The following RSPH4A variants were observed in gnomAD, a reference collection of about 807,000 sequenced individuals.
RSPH4A encodes the protein radial spoke head protein 4 homolog A.
RSPH4A carries 47 observed loss-of-function variants against 71.0 expected under a neutral mutation model. The observed-to-expected ratio is 0.66, with a 90% CI of 0.52 to 0.84. The LOEUF (loss-of-function observed/expected upper bound fraction) is 0.84, where lower values mean the gene tolerates loss of function less well. Among genes scored for constraint, RSPH4A ranks in the 40% least tolerant of loss-of-function variants. The probability of loss-of-function intolerance (pLI) is 0.00; values close to 1 mark genes in which losing one functional copy is unlikely to be tolerated. For synonymous variants in RSPH4A, 282 were observed against 302.3 expected (o/e 0.93, Z 0.70); for missense variants, 793 against 855.2 (o/e 0.93, Z 0.91).
intron 5 of RSPH4A, 82 bp downstream of exon 5, chr6:116,630,634 T>C: frequency 2.8e-6 from 2 of 714,224 alleles, no homozygotes; most frequent in South Asian, 2.9e-5. Flanking sequence ...AATGTTAAGC[T>C]ACTATCGTTG....
chr6:116,627,349 A>G (rs752140561), intron 2 of RSPH4A, among the ~76,000 whole-genome samples: 5 of 152,058 alleles, frequency 3.3e-5, no homozygotes, highest in Non-Finnish European at 7.4e-5. Context: ...ACAGGCACGC[A>G]CCACCATGTC....
In RSPH4A at chr6:116,630,458, A is replaced by T; in HGVS notation, c.1822A>T (p.Thr608Ser). 6.2e-7 allele frequency: 1 copy of T among 1,605,708 alleles called. No individual in the cohort carries two copies. Among genetic ancestry groups the T allele is most frequent in the Non-Finnish European group, 8.5e-7 (1 of 1,172,474 alleles). ...AGAGATTCAGAATATACCCCCCTGG[A>T]CAACACGGTTATCCTCAAATCTCAT... Reference protein sequence around the residue: ...DLEIQNIPPWTTRLSSNLIPQ... With the variant: ...DLEIQNIPPWSTRLSSNLIPQ... Residue 608 changes from threonine (T) to serine (S), a missense_variant, in exon 5 of 6, where the codon ACA becomes TCA. By Grantham distance (58) the Thr-to-Ser change is moderately conservative. Transcript: ENST00000229554.
intron 2 of RSPH4A, among the ~76,000 whole-genome samples, chr6:116,624,442 A>G (rs895659883): frequency 6.6e-6 from 1 of 152,224 alleles, no homozygotes. Flanking sequence ...ATTACAAGGT[A>G]GGGCTTTGCA....
At position 116,616,575 on chromosome 6, in the gene RSPH4A, A is replaced by G; in HGVS notation, c.-49A>G. 6.6e-7 allele frequency: 1 copy of G among 1,504,770 alleles called. No homozygotes were observed. The highest frequency in any genetic ancestry group is 9.1e-7 in the Non-Finnish European group (1 of 1,098,132). 93.2% of individuals were successfully genotyped at this position (1,504,770 alleles called of 1,614,324 possible). A position where few individuals can be genotyped will look rare whatever the true frequency, so the allele number is the denominator to read the frequency against. ...ACTTAACTGAGTTGCCTTCTTCCAT[A>G]TTTTCACGCCCCTTTCATCCAGAAC... On this transcript the variant is annotated 5_prime_UTR_variant, in exon 1 of 6. The change creates a new upstream start codon in the 5' untranslated region. Transcript: ENST00000229554.
Position 116,616,633 on chromosome 6 carries a change from T to A in RSPH4A, c.10T>A (p.Ser4Thr), listed in dbSNP as rs764586149. Residue 4 changes from serine to threonine, a missense_variant, in exon 1 of 6, where the codon TCA becomes ACA. Transcript: ENST00000229554. MED[S>T]TSPKQEKENQ... ...TTCTTGAACTGCTTCCATGGAGGAC[T>A]CAACCTCCCCGAAGCAAGAAAAAGA... 3 of 1,612,738 alleles carry A rather than the reference T, an allele frequency of 1.9e-6. No homozygotes were observed. The highest frequency in any genetic ancestry group is 2.5e-6 in the Non-Finnish European group (3 of 1,179,322).
intron 2 of RSPH4A, among the ~76,000 whole-genome samples, chr6:116,624,715 G>A (rs1164077502): frequency 6.6e-6 from 1 of 152,172 alleles, no homozygotes; most frequent in Non-Finnish European, 1.5e-5. Context: ...TGTTTAGAGT[G>A]TTCACGTTTT....
At chr6:116,621,759 G>A (rs894595816) in intron 1 of RSPH4A, among the ~76,000 whole-genome samples, 3 of 152,130 alleles carry the variant, frequency 2.0e-5, no homozygotes, top group Non-Finnish European at 4.4e-5. Context: ...TTATTAGAAC[G>A]TCTAATTGAA....
chr6:116,632,181 TTTC>T lies in RSPH4A; in HGVS notation c.1917-17_1917-15del, dbSNP rs567560834. 710 of 1,533,588 alleles carry T rather than the reference TTTC, an allele frequency of 4.6e-4. 10 individuals carry two copies. In the South Asian group the frequency reaches 5.8e-3, roughly 13 times the overall value. 95.0% of individuals were successfully genotyped at this position (1,533,588 alleles called of 1,614,324 possible). On this transcript the variant is annotated intron_variant, in intron 5 of 5. Coordinates refer to ENST00000229554, the MANE Select transcript of RSPH4A (RefSeq NM_001010892.3). ...CTGAGAAATTATATAATGATCTTTT[TTTC>T]TTCTTCTTTTTCTTACTTATAGAAA...
At position 116,628,307 on chromosome 6, in the gene RSPH4A, G is replaced by T. The variant is rs749938017; in HGVS notation, c.1600G>T (p.Val534Leu). The change falls in exon 3 of 6, where the codon GTG becomes TTG. Residue 534 changes from valine (V) to leucine (L), a missense_variant. Coordinates refer to ENST00000229554, the MANE Select transcript of RSPH4A (RefSeq NM_001010892.3). ...AAACCCTGATTTTGAAGGCATCCAA[G>T]TGATTGATCTAGTAGAATCCCTATC... ...EENPDFEGIQVIDLVESLSNW... is the reference protein window; with the variant it reads ...EENPDFEGIQLIDLVESLSNW... 1.9e-6 allele frequency: 3 copies of T among 1,612,128 alleles called. No homozygotes were observed. The highest frequency in any genetic ancestry group is 2.5e-6 in the Non-Finnish European group (3 of 1,179,232).
intron 1 of RSPH4A, among the ~76,000 whole-genome samples, chr6:116,621,638 G>A (rs72950493): frequency 0.023 from 3,482 of 152,282 alleles, 67 homozygotes; most frequent in Middle Eastern, 0.099. Flanking sequence ...TAAGTGCTAA[G>A]TCCCTAAGAA....
intron 2 of RSPH4A, among the ~76,000 whole-genome samples, chr6:116,624,965 T>C (rs754110617): frequency 1.3e-5 from 2 of 152,110 alleles, no homozygotes; most frequent in Non-Finnish European, 2.9e-5. Flanking sequence ...ACATGGGCTT[T>C]GGAGGTAGCC....
chr6:116,623,540 TTA>T (rs111908381), intron 2 of RSPH4A, among the ~76,000 whole-genome samples: 8,317 of 152,208 alleles, frequency 0.055, 650 homozygotes, highest in African/African-American at 0.18. Context: ...TAACAGATTG[TTA>T]TATGTTTGTA....
At chr6:116,623,743 T>C (rs1775650715) in intron 2 of RSPH4A, among the ~76,000 whole-genome samples, 1 of 152,222 alleles carries the variant, frequency 6.6e-6, no homozygotes, top group African/African-American at 2.4e-5. Context: ...ACTTCTAATA[T>C]CATTTGTATT....
Position 116,632,591 on chromosome 6 carries a change from C to A in RSPH4A, c.*150C>A. The A allele has an allele frequency of 9.8e-7, 1 of 1,022,836 alleles. No homozygotes were observed. Among genetic ancestry groups the A allele is most frequent in the Non-Finnish European group, 1.4e-6 (1 of 718,652 alleles). The allele number at this position is 1,022,836 out of a possible 1,614,324, so 63.4% of individuals were successfully genotyped here. On this transcript the variant is annotated 3_prime_UTR_variant, in exon 6 of 6. Transcript: ENST00000229554. ...CAAAATCTCAATCTTGAAAATCAAGCTTGAAATTTCATAGGTAGAAATATT... is the reference window on the plus strand; with the variant it reads ...CAAAATCTCAATCTTGAAAATCAAGATTGAAATTTCATAGGTAGAAATATT...
intron 1 of RSPH4A, among the ~76,000 whole-genome samples, chr6:116,618,697 G>A (rs777873778): frequency 6.6e-5 from 10 of 152,200 alleles, no homozygotes; most frequent in East Asian, 1.9e-4. Context: ...GAAGACTTCC[G>A]TGACAAAATG....
Position 116,632,378 on chromosome 6 carries a change from T to C in RSPH4A, c.2088T>C (p.Val696=), listed in dbSNP as rs1562393923. 2 of 1,613,918 alleles carry C rather than the reference T, an allele frequency of 1.2e-6. No individual in the cohort carries two copies. Among genetic ancestry groups the C allele is most frequent in the Admixed American group, 1.7e-5 (1 of 59,970 alleles). The change falls in exon 6 of 6, where the codon GTT becomes GTC. Residue 696 remains valine, a synonymous_variant. Transcript: ENST00000229554. ...CTTTCAGGGCTGCACAAGAAGCAGT[T>C]CTACTCGCAGCTGAGAATGAAGAAT... ...EQAFRAAQEA[V]LLAAENEESE... is the part of the protein sequence containing the mutation.
Position 116,627,830 on chromosome 6 carries a change from G to A in RSPH4A, c.1123G>A (p.Glu375Lys), listed in dbSNP as rs1775722157. The A allele has an allele frequency of 6.2e-7, 1 of 1,614,136 alleles. No individual in the cohort carries two copies. Among genetic ancestry groups the A allele is most frequent in the Non-Finnish European group, 8.5e-7 (1 of 1,180,026 alleles). The change falls in exon 3 of 6, where the codon GAG becomes AAG. Residue 375 changes from glutamate (E) to lysine (K), a missense_variant. Physicochemically the swap from Glu to Lys is moderately conservative, Grantham distance 56 (BLOSUM62 1). Transcript: ENST00000229554. Reference protein sequence around the residue: ...NYIVAEVEFREGEDEEEVEEE... With the variant: ...NYIVAEVEFRKGEDEEEVEEE... ...TATTGTAGCTGAAGTGGAATTTCGT[G>A]AGGGGGAAGATGAAGAGGAAGTGGA...
At position 116,616,525 on chromosome 6, in the gene RSPH4A, T is replaced by A; in HGVS notation, c.-99T>A. 1 of 1,049,636 alleles carries A rather than the reference T, an allele frequency of 9.5e-7. No individual in the cohort carries two copies. The highest frequency in any genetic ancestry group is 1.4e-6 in the Non-Finnish European group (1 of 693,250). 65.0% of individuals were successfully genotyped at this position (1,049,636 alleles called of 1,614,324 possible). On this transcript the variant is annotated 5_prime_UTR_variant, in exon 1 of 6. Transcript: ENST00000229554. ...TCACAGAGCAACCAGGACCCAGAAA[T>A]CGCTTAAGAGACCGCGGCAAAGTAA... is the stretch of plus-strand genomic sequence containing the variant.
At position 116,623,011 on chromosome 6, in the gene RSPH4A, C is replaced by G; in HGVS notation, c.921+9C>G. On this transcript the variant is annotated intron_variant, in intron 2 of 5. Transcript: ENST00000229554. ...AATTGGAAGATGAAATAGTAAGTCA[C>G]TACTACAAATTTTAATAATAAACCT... The G allele has an allele frequency of 6.7e-7, 1 of 1,492,722 alleles. No individual in the cohort carries two copies. 92.5% of individuals were successfully genotyped at this position (1,492,722 alleles called of 1,614,324 possible).
Sources: allele counts gnomAD v4.1 joint callset (sites outside exome capture counted in the v4.1 genomes callset), GRCh38; gene constraint gnomAD v4.1.1; transcripts MANE v1.5; gene names NCBI Gene and HGNC (gene_info 2026-07-23, HGNC 2026-07-21).